PKHD1: variants seen among roughly 807,000 people sequenced by gnomAD.
PKHD1 encodes the protein fibrocystin.
In PKHD1, 291 loss-of-function variants were observed where a neutral mutation model predicts 412.0. The ratio of observed to expected loss-of-function variants is 0.71; its 90% CI spans 0.64 to 0.78. The LOEUF is 0.78. Ranked by LOEUF, PKHD1 falls within the 30% of genes least tolerant of loss-of-function variation. PKHD1 has a pLI of 0.00. For missense variants in PKHD1, 4,825 were observed against 4,950.7 expected (o/e 0.97, Z 0.76); for synonymous variants, 1,777 against 1,821.5 (o/e 0.98, Z 0.62).
Position 52,086,117 on chromosome 6 carries a change from ATG to A in PKHD1, c.-84-1102_-84-1101del, listed in dbSNP as rs1185806591. On this transcript the variant is annotated intron_variant, in intron 1 of 66. Transcript: ENST00000371117. The stretch of plus-strand genomic sequence containing the variant: ...ATACACACACACAAAGTGTGTGTGT[ATG>A]TGTGTGTGTGTGGCAGGGTCTCATT... 2.7e-3 allele frequency among the ~76,000 whole-genome samples: 397 copies of A among 146,480 alleles called. 3 individuals carry two copies. Among genetic ancestry groups the A allele is most frequent in the African/African-American group, 9.4e-3 (379 of 40,332 alleles).
At chr6:51,941,875 A>C (rs1467104412) in intron 36 of PKHD1, among the ~76,000 whole-genome samples, 1 of 151,504 alleles carries the variant, frequency 6.6e-6, no homozygotes, top group African/African-American at 2.4e-5. Context: ...TACTGCCGCA[A>C]GCCTTCACAG....
intron 55 of PKHD1, among the ~76,000 whole-genome samples, chr6:51,764,300 A>G (rs1429462851): frequency 6.7e-6 from 1 of 149,654 alleles, no homozygotes; most frequent in Admixed American, 6.8e-5. Flanking sequence ...GCAGCCAAAA[A>G]ACACATGAAA....
intron 52 of PKHD1, among the ~76,000 whole-genome samples, chr6:51,820,162 T>C (rs1186935758): frequency 1.4e-5 from 2 of 145,848 alleles, no homozygotes; most frequent in Admixed American, 7.1e-5. Flanking sequence ...TTCCATATGA[T>C]TTAGATTCCC....
In PKHD1 at chr6:52,010,322, C is replaced by T; in HGVS notation, c.5738G>A (p.Gly1913Asp). 1 of 1,613,652 alleles carries T rather than the reference C, an allele frequency of 6.2e-7. No individual in the cohort carries two copies. Among genetic ancestry groups the T allele is most frequent in the South Asian group, 1.1e-5 (1 of 91,058 alleles). The change falls in exon 35 of 67, where the codon GGC (glycine) becomes GAC (aspartate). Residue 1913 changes from glycine to aspartate, a missense_variant. Gly to Asp is a moderately conservative substitution (Grantham distance 94). Coordinates refer to ENST00000371117, the MANE Select transcript of PKHD1 (RefSeq NM_138694.4). ...VKITEIRKRW[G>D]QNTQGNFSLQ... ...ATTTGATTATACCTGAGTGTTCTGG[C>T]CCCAGCGTTTCCGTATCTCAGTAAT...
intron 5 of PKHD1, among the ~76,000 whole-genome samples, chr6:52,079,001 A>G (rs1004079409): frequency 6.6e-6 from 1 of 152,232 alleles, no homozygotes; most frequent in African/African-American, 2.4e-5. Context: ...AGGAGAGACA[A>G]ATTTACAAGG....
intron 54 of PKHD1, 110 bp downstream of exon 54, chr6:51,775,698 G>C: frequency 3.0e-6 from 2 of 668,896 alleles, no homozygotes; most frequent in East Asian, 5.5e-5. Flanking sequence ...GCCTAAAAGG[G>C]TGTTTGGAAT....
At chr6:51,962,480 C>T (rs903704409) in intron 35 of PKHD1, among the ~76,000 whole-genome samples, 1 of 152,116 alleles carries the variant, frequency 6.6e-6, no homozygotes, top group South Asian at 2.1e-4. Flanking sequence ...TGCTGCCTTC[C>T]ATGTGCTATA....
At chr6:51,711,450 G>A (rs1049932141) in intron 60 of PKHD1, among the ~76,000 whole-genome samples, 3 of 152,194 alleles carry the variant, frequency 2.0e-5, no homozygotes, top group Admixed American at 6.5e-5. Flanking sequence ...GAGCTTTATG[G>A]AACTAATATG....
At chr6:51,650,312 A>C (rs1187606052) in intron 61 of PKHD1, among the ~76,000 whole-genome samples, 1 of 152,184 alleles carries the variant, frequency 6.6e-6, no homozygotes, top group Non-Finnish European at 1.5e-5. Flanking sequence ...TGTGAATTAC[A>C]TATCATAGGC....
At chr6:51,975,012 T>C (rs1794185828) in intron 35 of PKHD1, among the ~76,000 whole-genome samples, 1 of 151,768 alleles carries the variant, frequency 6.6e-6, no homozygotes, top group African/African-American at 2.4e-5. Context: ...ATTTCTAGCC[T>C]CCAGAATAGT....
intron 36 of PKHD1, among the ~76,000 whole-genome samples, chr6:51,934,795 C>T (rs529724545): frequency 3.7e-4 from 57 of 152,304 alleles, no homozygotes; most frequent in African/African-American, 1.3e-3. Flanking sequence ...ATCCATTATA[C>T]TTTCTTTTGT....
chr6:51,918,789 G>T (rs769829414), intron 37 of PKHD1, among the ~76,000 whole-genome samples: 1 of 152,098 alleles, frequency 6.6e-6, no homozygotes, highest in Non-Finnish European at 1.5e-5. Flanking sequence ...CAGTGTAAAA[G>T]TGTTTCTATT....
chr6:51,665,074 T>C (rs116345512), intron 60 of PKHD1, among the ~76,000 whole-genome samples: 1,676 of 152,264 alleles, frequency 0.011, 31 homozygotes, highest in African/African-American at 0.038. Flanking sequence ...TTGGTTCAGA[T>C]CTTCTTGACA....
intron 52 of PKHD1, among the ~76,000 whole-genome samples, chr6:51,801,638 A>ATT (rs34977239): frequency 3.5e-4 from 12 of 34,132 alleles, no homozygotes; most frequent in African/African-American, 7.9e-4. Flanking sequence ...TGCTGGCCTG[A>ATT]TTGTGTGTGT....
At chr6:51,882,589 T>C (rs1255876547) in intron 46 of PKHD1, among the ~76,000 whole-genome samples, 1 of 152,222 alleles carries the variant, frequency 6.6e-6, no homozygotes, top group Non-Finnish European at 1.5e-5. Context: ...GGATCCATTA[T>C]AGACCTGAAG....
chr6:51,750,388 A>C (rs1052961192), intron 57 of PKHD1, among the ~76,000 whole-genome samples: 2 of 152,202 alleles, frequency 1.3e-5, no homozygotes, highest in Non-Finnish European at 2.9e-5. Context: ...TAAGTCCATA[A>C]ATAAATAGCT....
chr6:51,736,176 G>A (rs893514411), intron 60 of PKHD1, among the ~76,000 whole-genome samples: 5 of 152,142 alleles, frequency 3.3e-5, no homozygotes, highest in South Asian at 4.1e-4. Context: ...TATTGTTAAT[G>A]GAAGATTTGA....
Position 52,050,090 on chromosome 6 carries a change from C to T in PKHD1, c.2279+67G>A, listed in dbSNP as rs1218605641. On this transcript the variant is annotated intron_variant, in intron 22 of 66. Coordinates refer to ENST00000371117, the MANE Select transcript of PKHD1 (RefSeq NM_138694.4). ...GTAGCTTTTCCTGAAAAAAGTCACA[C>T]CTGTGTCCCTCAAGGCCAACAAGCA... 2.0e-6 allele frequency: 3 copies of T among 1,525,748 alleles called. No individual in the cohort carries two copies. The South Asian group carries it at 3.4e-5, about 17-fold the overall frequency. 94.5% of individuals were successfully genotyped at this position (1,525,748 alleles called of 1,614,324 possible). A position where few individuals can be genotyped will look rare whatever the true frequency, so the allele number is the denominator to read the frequency against.
chr6:52,083,173 C>A lies in PKHD1; in HGVS notation c.130+5G>T. 3.2e-6 allele frequency: 5 copies of A among 1,587,180 alleles called. No individual in the cohort carries two copies. The highest frequency in any genetic ancestry group is 4.3e-6 in the Non-Finnish European group (5 of 1,155,512). On this transcript the variant is annotated splice_donor_5th_base_variant and intron_variant, in intron 3 of 66. Transcript: ENST00000371117. Reference sequence around the variant, plus strand: ...AAATGTGCACTTGGTAAAACCCCAACCTACCATCAAAAATGACTGTGATCC... The same window carrying A: ...AAATGTGCACTTGGTAAAACCCCAAACTACCATCAAAAATGACTGTGATCC...
Sources: gnomAD v4.1 joint callset for allele counts (sites outside exome capture counted in the v4.1 genomes callset) on GRCh38, gnomAD v4.1.1 for gene constraint, MANE v1.5 for transcripts, NCBI Gene and HGNC (gene_info 2026-07-23, HGNC 2026-07-21) for gene names.